Variants in CCDC187 observed in about 807,000 individuals in gnomAD.
The protein encoded by CCDC187 is coiled-coil domain-containing protein 187.
In CCDC187, 32 loss-of-function variants were observed where a neutral mutation model predicts 38.0. The observed-to-expected ratio is 0.84, with a 90% CI of 0.64 to 1.13. The LOEUF is 1.13. Among genes scored for constraint, CCDC187 ranks in the 50% most tolerant of loss-of-function variants. CCDC187 has a pLI of 0.00. For synonymous variants in CCDC187, 333 were observed against 347.9 expected (o/e 0.96, Z 0.48); for missense variants, 707 against 786.8 (o/e 0.90, Z 1.21).
At position 136,281,535 on chromosome 9, in the gene CCDC187, G is replaced by A. The variant is rs954227258; in HGVS notation, c.3040+16C>T. The stretch of plus-strand genomic sequence containing the variant: ...CGACCAGCCAGCCCAGGGCCTGTCC[G>A]CAGGGTCGCCCTTACCGCAGCTCCG... On this transcript the variant is annotated intron_variant, in intron 10 of 25. Transcript: ENST00000638797. 21 of 398,644 alleles carry A rather than the reference G, an allele frequency of 5.3e-5. No homozygotes were observed. The highest frequency in any genetic ancestry group is 2.8e-4 in the East Asian group (8 of 28,078). 24.7% of individuals were successfully genotyped at this position (398,644 alleles called of 1,614,324 possible). A position where few individuals can be genotyped will look rare whatever the true frequency, so the allele number is the denominator to read the frequency against.
intron 16 of CCDC187, 34 bp downstream of exon 16, chr9:136,267,350 C>CG (rs1554761811): frequency 4.4e-6 from 4 of 908,346 alleles, no homozygotes; most frequent in African/African-American, 2.3e-5. Flanking sequence ...GGGGCTACGG[C>CG]GGGGCGGGGC....
At chr9:136,289,747 G>A (rs1209010455) in intron 7 of CCDC187, among the ~76,000 whole-genome samples, 2 of 152,098 alleles carry the variant, frequency 1.3e-5, no homozygotes, top group African/African-American at 2.4e-5. Context: ...AGTTTGATGC[G>A]ACTCTTGCCT....
intron 2 of CCDC187, among the ~76,000 whole-genome samples, chr9:136,301,035 C>T (rs1202290623): frequency 2.0e-5 from 3 of 152,200 alleles, no homozygotes; most frequent in Admixed American, 6.5e-5. Flanking sequence ...AGTGGCTCCG[C>T]GGAGCCACCA....
chr9:136,286,465 C>T lies in CCDC187; in HGVS notation c.2453G>A (p.Arg818Gln), dbSNP rs1430995958. The T allele has an allele frequency of 1.5e-5, 6 of 398,620 alleles. No individual in the cohort carries two copies. Among genetic ancestry groups the T allele is most frequent in the Admixed American group, 4.4e-5 (1 of 22,722 alleles). The allele number at this position is 398,620 out of a possible 1,614,324, so 24.7% of individuals were successfully genotyped here. Residue 818 changes from arginine (R) to glutamine (Q), a missense_variant, in exon 8 of 26, where the codon CGG becomes CAG. Transcript: ENST00000638797. ...CGCCTGCAGCTGCGCCTGCTTATGC[C>T]GGAGGTGCAGGGAGCTGGAAGTGCC... is the stretch of plus-strand genomic sequence containing the variant. ...HLGTSSSLHLRHKQAQLQALE... is the reference protein window; with the variant it reads ...HLGTSSSLHLQHKQAQLQALE...
In CCDC187 at chr9:136,281,543, G is replaced by A. The variant is rs1313941208; in HGVS notation, c.3040+8C>T. The A allele has an allele frequency of 1.5e-5, 6 of 398,608 alleles. No individual in the cohort carries two copies. The highest frequency in any genetic ancestry group is 8.8e-5 in the Admixed American group (2 of 22,738). The allele number at this position is 398,608 out of a possible 1,614,324, so 24.7% of individuals were successfully genotyped here. ...CAGCCCAGGGCCTGTCCGCAGGGTC[G>A]CCCTTACCGCAGCTCCGGGGGGTGC... On this transcript the variant is annotated splice_region_variant and intron_variant, in intron 10 of 25. Coordinates refer to ENST00000638797, the MANE Select transcript of CCDC187 (RefSeq NM_001378188.1).
chr9:136,253,819 C>T lies in CCDC187; in HGVS notation c.6009G>A (p.Pro2003=), dbSNP rs997070987. 3.8e-5 allele frequency: 37 copies of T among 985,178 alleles called. No individual in the cohort carries two copies. The highest frequency in any genetic ancestry group is 8.7e-5 in the African/African-American group (5 of 57,218). 61.0% of individuals were successfully genotyped at this position (985,178 alleles called of 1,614,324 possible). The change falls in exon 26 of 26, where the codon CCG becomes CCA. Residue 2003 remains proline (P), a synonymous_variant. Transcript: ENST00000638797. Reference sequence around the variant, plus strand: ...GGGGGGCCTCCCTGTGGATGGAGGACGGGAGGTCGGCACTGCCGTAGGACA... The same window carrying T: ...GGGGGGCCTCCCTGTGGATGGAGGATGGGAGGTCGGCACTGCCGTAGGACA... ...ELLSYGSADL[P]SSIHREAPLP...
chr9:136,302,341 C>T, intron 2 of CCDC187, among the ~76,000 whole-genome samples: 1 of 152,008 alleles, frequency 6.6e-6, no homozygotes, highest in Middle Eastern at 3.4e-3. Context: ...TTTAGTTACC[C>T]CTCCCACCCC....
At position 136,290,039 on chromosome 9, in the gene CCDC187, G is replaced by A. The variant is rs940137353; in HGVS notation, c.2142C>T (p.Ser714=). 70 of 398,558 alleles carry A rather than the reference G, an allele frequency of 1.8e-4. No individual in the cohort carries two copies. The highest frequency in any genetic ancestry group is 1.3e-3 in the African/African-American group (65 of 48,618). 24.7% of individuals were successfully genotyped at this position (398,558 alleles called of 1,614,324 possible). The change falls in exon 7 of 26, where the codon TCC becomes TCT. Residue 714 remains serine, a synonymous_variant. Transcript: ENST00000638797. ...SSAQSGGLEA[S]GSLESPVLEW... ...CCAGCACTGGGGACTCCAGGCTCCC[G>A]GAGGCTTCCAGGCCCTAAAGTAGAG...
rs1830567014 is a variant in CCDC187 at position 136,252,953 on chromosome 9, G to C, written c.*641C>G. On this transcript the variant is annotated 3_prime_UTR_variant, in exon 26 of 26. Coordinates refer to ENST00000638797, the MANE Select transcript of CCDC187 (RefSeq NM_001378188.1). ...CTCACCAGCATGCTCAAGGGACCCA[G>C]ACTTTCCACTGGCGGCCAAGGGCAC... 1 of 152,414 alleles carries C rather than the reference G, an allele frequency of 6.6e-6. No individual in the cohort carries two copies. The highest frequency in any genetic ancestry group is 1.5e-5 in the Non-Finnish European group (1 of 68,204). The allele number at this position is 152,414 out of a possible 1,614,324, so 9.4% of individuals were successfully genotyped here. A position where few individuals can be genotyped will look rare whatever the true frequency, so the allele number is the denominator to read the frequency against.
At chr9:136,298,049 G>A (rs901084210) in intron 3 of CCDC187, among the ~76,000 whole-genome samples, 2 of 151,084 alleles carry the variant, frequency 1.3e-5, no homozygotes, top group South Asian at 2.1e-4. Flanking sequence ...GGGGACTGCC[G>A]CTGGGGACTC....
At chr9:136,271,039 A>C in intron 14 of CCDC187, among the ~76,000 whole-genome samples, 1 of 152,266 alleles carries the variant, frequency 6.6e-6, no homozygotes, top group African/African-American at 2.4e-5. Context: ...TATTATACTG[A>C]AACAGTTTGT....
At chr9:136,271,542 G>T (rs1385285661) in intron 14 of CCDC187, among the ~76,000 whole-genome samples, 2 of 151,038 alleles carry the variant, frequency 1.3e-5, no homozygotes, top group African/African-American at 4.9e-5. Context: ...ATTAAAAAAT[G>T]AAGAATAACA....
chr9:136,250,338 C>T lies in CCDC187; in HGVS notation c.*3256G>A, dbSNP rs559273705. ...CCTGCTGGGCTCCCAGGGAAAGTCA[C>T]GCTGGTTCCAGCTGTGACTGCAGCC... is the stretch of plus-strand genomic sequence containing the variant. On this transcript the variant is annotated 3_prime_UTR_variant, in exon 26 of 26. Transcript: ENST00000638797. The T allele has an allele frequency of 1.6e-4, 29 of 181,740 alleles. No individual in the cohort carries two copies. The South Asian group carries it at 2.6e-3, about 16-fold the overall frequency. 11.3% of individuals were successfully genotyped at this position (181,740 alleles called of 1,614,324 possible).
At position 136,251,864 on chromosome 9, in the gene CCDC187, TCCA is replaced by T. The variant is rs1305075697; in HGVS notation, c.*1727_*1729del. 2.3e-5 allele frequency: 3 copies of T among 132,402 alleles called. No homozygotes were observed. Among genetic ancestry groups the T allele is most frequent in the Non-Finnish European group, 5.0e-5 (3 of 60,324 alleles). The allele number at this position is 132,402 out of a possible 1,614,324, so 8.2% of individuals were successfully genotyped here. Reference sequence around the variant, plus strand: ...GGGGAAGAGCCGGCCACCCACCCGGTCCACCCCGGGAAGGTCCAGGCGACCGTC... The same window carrying T: ...GGGGAAGAGCCGGCCACCCACCCGGTCCCCGGGAAGGTCCAGGCGACCGTC... On this transcript the variant is annotated 3_prime_UTR_variant, in exon 26 of 26. Coordinates refer to ENST00000638797, the MANE Select transcript of CCDC187 (RefSeq NM_001378188.1).
rs192536194 is a variant in CCDC187, at chr9:136,264,730, G to A, written c.3736-932C>T. Among the ~76,000 whole-genome samples, 34 of 151,398 alleles carry A rather than the reference G, an allele frequency of 2.2e-4. No individual in the cohort carries two copies. Among genetic ancestry groups the A allele is most frequent in the African/African-American group, 7.3e-4 (30 of 41,270 alleles). On this transcript the variant is annotated intron_variant, in intron 17 of 25. Transcript: ENST00000638797. This position sits in a 1 kb window ranked among gnomAD's most constrained non-coding sequence, Gnocchi z 4.3. The stretch of plus-strand genomic sequence containing the variant: ...TGACCCCATTTCCCAGCAGAGGGTC[G>A]TGGGCAAAGTAGTCCCCCACCCCAG...
At chr9:136,260,679 C>A (rs1830668783) in intron 19 of CCDC187, among the ~76,000 whole-genome samples, 1 of 152,176 alleles carries the variant, frequency 6.6e-6, no homozygotes, top group Non-Finnish European at 1.5e-5. Flanking sequence ...GTCTGCCTCC[C>A]TTTCTCCCCC....
At chr9:136,293,382 C>T (rs1286668171) in intron 4 of CCDC187, among the ~76,000 whole-genome samples, 2 of 137,672 alleles carry the variant, frequency 1.5e-5, no homozygotes, top group South Asian at 4.8e-4. Context: ...CACACTCACA[C>T]TCACATGCTC....
intron 7 of CCDC187, among the ~76,000 whole-genome samples, chr9:136,287,950 C>T (rs1271372101): frequency 6.6e-6 from 1 of 152,212 alleles, no homozygotes; most frequent in Admixed American, 6.5e-5. Context: ...CCCACCTCAG[C>T]CTCCCAAAGT....
intron 9 of CCDC187, among the ~76,000 whole-genome samples, chr9:136,282,149 C>T (rs1433070658): frequency 6.6e-6 from 1 of 152,244 alleles, no homozygotes; most frequent in Non-Finnish European, 1.5e-5. Context: ...CCACCAGGCC[C>T]AGAGCGGAAC....
Sources: gnomAD v4.1 joint callset for allele counts (sites outside exome capture counted in the v4.1 genomes callset) on GRCh38, gnomAD v4.1.1 for gene constraint, Gnocchi (gnomAD v3.1) non-coding constraint, MANE v1.5 for transcripts, NCBI Gene and HGNC (gene_info 2026-07-23, HGNC 2026-07-21) for gene names.